ETV6: variants seen among roughly 807,000 people sequenced by gnomAD.
The protein encoded by ETV6 is ETS variant transcription factor 6.
Under a neutral mutation model 51.1 loss-of-function variants are expected in ETV6, and 16 were observed. The ratio of observed to expected loss-of-function variants is 0.31; its 90% CI spans 0.21 to 0.48. ETV6 has a LOEUF of 0.48. Among genes scored for constraint, ETV6 ranks in the 20% least tolerant of loss-of-function variants. ETV6 has a pLI of 0.99. For synonymous variants in ETV6, 240 were observed against 224.1 expected, an observed-to-expected ratio of 1.07 and a Z score of -0.64; for missense variants, 458 against 594.8, an observed-to-expected ratio of 0.77 and a Z score of 2.39.
At chr12:11,848,726 G>A (rs1389266145) in intron 3 of ETV6, among the ~76,000 whole-genome samples, 4 of 152,200 alleles carry the variant, frequency 2.6e-5, no homozygotes, top group East Asian at 1.9e-4. Flanking sequence ...AGGGACCTGC[G>A]CAAGTGAAGG....
At chr12:11,667,537 C>CTTTCT (rs145885176) in intron 1 of ETV6, among the ~76,000 whole-genome samples, 4,612 of 135,578 alleles carry the variant, frequency 0.034, 260 homozygotes, top group African/African-American at 0.13. Flanking sequence ...GGTTTATTTT[C>CTTTCT]TTTTTTTTTT....
intron 5 of ETV6, among the ~76,000 whole-genome samples, chr12:11,874,155 C>G (rs1157712875): frequency 2.1e-5 from 1 of 48,482 alleles, no homozygotes; most frequent in Non-Finnish European, 3.9e-5. Context: ...GCTGGCAGAT[C>G]ACCTGAGGTC....
chr12:11,771,772 T>G (rs1565520022), intron 2 of ETV6, among the ~76,000 whole-genome samples: 1 of 152,246 alleles, frequency 6.6e-6, no homozygotes, highest in Non-Finnish European at 1.5e-5. Context: ...AAGACTCTTC[T>G]GAGAATGCAG....
chr12:11,727,058 C>G (rs943327901), intron 1 of ETV6, among the ~76,000 whole-genome samples: 3 of 152,198 alleles, frequency 2.0e-5, no homozygotes, highest in Non-Finnish European at 4.4e-5. Context: ...AGAAAGGGCA[C>G]GCACAGTGGC....
chr12:11,663,765 G>A (rs1397594515), intron 1 of ETV6, among the ~76,000 whole-genome samples: 3 of 151,822 alleles, frequency 2.0e-5, no homozygotes, highest in East Asian at 3.8e-4. Flanking sequence ...GGTTGTGTGT[G>A]TGTGTGTATG....
At chr12:11,838,566 C>T (rs931243337) in intron 2 of ETV6, among the ~76,000 whole-genome samples, 11 of 152,214 alleles carry the variant, frequency 7.2e-5, no homozygotes, top group African/African-American at 2.7e-4. Context: ...TGATGGTTTC[C>T]CAGAGGCTGA....
At chr12:11,676,318 C>T (rs954356159) in intron 1 of ETV6, among the ~76,000 whole-genome samples, 4 of 152,220 alleles carry the variant, frequency 2.6e-5, no homozygotes, top group Non-Finnish European at 4.4e-5. Context: ...CACTCTGCCT[C>T]TCCCTCCCCC....
chr12:11,867,235 C>G (rs1210817167), intron 4 of ETV6, among the ~76,000 whole-genome samples: 1 of 152,174 alleles, frequency 6.6e-6, no homozygotes, highest in Admixed American at 6.6e-5. Context: ...ACTGAAATTG[C>G]CCCTTTCCTT....
intron 5 of ETV6, among the ~76,000 whole-genome samples, chr12:11,874,631 TGTGTGTGTGTATATACAC>T (rs1443246871): frequency 1.5e-3 from 7 of 4,638 alleles, no homozygotes; most frequent in African/African-American, 1.6e-3. Flanking sequence ...CATATGTGTA[TGTGTGTGTGTATATACAC>T]ATATGTGTGT....
At chr12:11,651,028 C>T (rs1863896787) in intron 1 of ETV6, among the ~76,000 whole-genome samples, 1 of 152,152 alleles carries the variant, frequency 6.6e-6, no homozygotes, top group Admixed American at 6.5e-5. Flanking sequence ...TGTGGTGCTG[C>T]GGTTTGTTGC....
At chr12:11,791,878 A>C (rs763530563) in intron 2 of ETV6, among the ~76,000 whole-genome samples, 15 of 152,108 alleles carry the variant, frequency 9.9e-5, no homozygotes, top group Non-Finnish European at 1.8e-4. Flanking sequence ...AAAAGATTTC[A>C]TTTCCCACCT....
At chr12:11,888,398 C>CTTTTCTTT (rs753710183) in intron 7 of ETV6, among the ~76,000 whole-genome samples, 26,332 of 79,628 alleles carry the variant, frequency 0.33, 2,956 homozygotes, top group East Asian at 0.46. Flanking sequence ...CTTTTCTTTT[C>CTTTTCTTT]TTTTTTTTTT....
intron 2 of ETV6, among the ~76,000 whole-genome samples, chr12:11,796,211 C>A (rs1945674438): frequency 6.6e-6 from 1 of 152,066 alleles, no homozygotes; most frequent in East Asian, 1.9e-4. Context: ...GTGAAAAGGA[C>A]TAGTTATGAT....
chr12:11,829,514 C>T (rs990659438), intron 2 of ETV6, among the ~76,000 whole-genome samples: 1 of 152,198 alleles, frequency 6.6e-6, no homozygotes, highest in African/African-American at 2.4e-5. Context: ...ACATGGCTCT[C>T]ACCACATTGG....
At chr12:11,799,191 C>T (rs1213290570) in intron 2 of ETV6, among the ~76,000 whole-genome samples, 2 of 152,070 alleles carry the variant, frequency 1.3e-5, no homozygotes, top group South Asian at 2.1e-4. Flanking sequence ...CCATGTAGCC[C>T]GAGGAGAGAA....
At chr12:11,777,630 G>C (rs1945349834) in intron 2 of ETV6, among the ~76,000 whole-genome samples, 1 of 152,064 alleles carries the variant, frequency 6.6e-6, no homozygotes, top group African/African-American at 2.4e-5. Flanking sequence ...TCTTCCTGCT[G>C]TAAGTAGGAT....
chr12:11,659,699 C>T (rs767578091), intron 1 of ETV6, among the ~76,000 whole-genome samples: 3 of 152,136 alleles, frequency 2.0e-5, no homozygotes, highest in Non-Finnish European at 2.9e-5. Flanking sequence ...AAGTAAGGCT[C>T]GTAATTTAAA....
intron 1 of ETV6, among the ~76,000 whole-genome samples, chr12:11,726,882 G>A (rs1269443681): frequency 6.6e-6 from 1 of 152,208 alleles, no homozygotes; most frequent in African/African-American, 2.4e-5. Context: ...GTAAGCCATC[G>A]ACACACACAT....
chr12:11,788,203 C>T (rs1945517641), intron 2 of ETV6, among the ~76,000 whole-genome samples: 1 of 152,184 alleles, frequency 6.6e-6, no homozygotes, highest in South Asian at 2.1e-4. Flanking sequence ...GTGTTTAGCA[C>T]AGGGCTATAG....
Sources: gnomAD v4.1 joint callset for allele counts (sites outside exome capture counted in the v4.1 genomes callset) on GRCh38, gnomAD v4.1.1 for gene constraint, MANE v1.5 for transcripts, NCBI Gene and HGNC (gene_info 2026-07-23, HGNC 2026-07-21) for gene names.